IMMP2L: variants seen among roughly 807,000 people sequenced by gnomAD.
IMMP2L encodes inner mitochondrial membrane peptidase subunit 2.
Under a neutral mutation model 19.3 loss-of-function variants are expected in IMMP2L, and 18 were observed. The ratio of observed to expected loss-of-function variants is 0.93; its 90% CI spans 0.64 to 1.38. IMMP2L has a LOEUF of 1.38. Ranked by LOEUF, IMMP2L falls within the 40% of genes most tolerant of loss-of-function variation. The pLI is 0.00. For synonymous variants in IMMP2L, 76 were observed against 73.0 expected (o/e 1.04, Z -0.21); for missense variants, 233 against 218.2 (o/e 1.07, Z -0.43).
intron 3 of IMMP2L, among the ~76,000 whole-genome samples, chr7:111,277,138 T>C (rs984033484): frequency 2.0e-5 from 3 of 151,978 alleles, no homozygotes; most frequent in Non-Finnish European, 4.4e-5. Flanking sequence ...CTAAAAAGCT[T>C]CTGCACAACA....
At chr7:110,913,971 A>T (rs949428730) in intron 4 of IMMP2L, among the ~76,000 whole-genome samples, 1 of 152,102 alleles carries the variant, frequency 6.6e-6, no homozygotes, top group African/African-American at 2.4e-5. Flanking sequence ...TAATTTGGCA[A>T]ACTTTCTCAA....
chr7:110,797,008 C>T (rs1800907075), intron 5 of IMMP2L, among the ~76,000 whole-genome samples: 1 of 151,918 alleles, frequency 6.6e-6, no homozygotes, highest in Non-Finnish European at 1.5e-5. Context: ...CAGAACTCCC[C>T]ACTTCCAAGA....
chr7:111,090,254 T>C (rs1397537691), intron 3 of IMMP2L, among the ~76,000 whole-genome samples: 1 of 152,222 alleles, frequency 6.6e-6, no homozygotes, highest in Non-Finnish European at 1.5e-5. Flanking sequence ...TTTACATGTA[T>C]GGCTTATATA....
intron 3 of IMMP2L, among the ~76,000 whole-genome samples, chr7:111,035,272 G>GTATC (rs954639907): frequency 1.2e-4 from 19 of 152,076 alleles, no homozygotes; most frequent in African/African-American, 3.9e-4. Flanking sequence ...AAATAAAAAG[G>GTATC]TATCATCTAT....
chr7:111,413,940 C>T (rs1049248502), intron 3 of IMMP2L, among the ~76,000 whole-genome samples: 1 of 151,770 alleles, frequency 6.6e-6, no homozygotes, highest in Non-Finnish European at 1.5e-5. Context: ...CCCAGTGATA[C>T]TCACATCCCA....
At chr7:111,386,913 C>G (rs1384528398) in intron 3 of IMMP2L, among the ~76,000 whole-genome samples, 1 of 152,154 alleles carries the variant, frequency 6.6e-6, no homozygotes, top group Non-Finnish European at 1.5e-5. Context: ...AAGAGAATGA[C>G]TGTTTCACAA....
chr7:111,410,604 C>CA (rs1390808316), intron 3 of IMMP2L, among the ~76,000 whole-genome samples: 1 of 150,774 alleles, frequency 6.6e-6, no homozygotes. Flanking sequence ...AAAACAGATC[C>CA]AATTAACAAA....
At chr7:111,310,127 C>T (rs992046154) in intron 3 of IMMP2L, among the ~76,000 whole-genome samples, 1 of 151,544 alleles carries the variant, frequency 6.6e-6, no homozygotes, top group Non-Finnish European at 1.5e-5. Flanking sequence ...CCCAGCTACT[C>T]GCGGGGCTGA....
intron 3 of IMMP2L, among the ~76,000 whole-genome samples, chr7:111,223,626 T>A (rs562642868): frequency 2.6e-5 from 4 of 152,274 alleles, no homozygotes; most frequent in African/African-American, 9.6e-5. Flanking sequence ...GATTAGTCAG[T>A]CTACTTTGTA....
chr7:111,561,184 A>G (rs894315312), intron 1 of IMMP2L, among the ~76,000 whole-genome samples: 3 of 152,160 alleles, frequency 2.0e-5, no homozygotes, highest in Admixed American at 1.3e-4. Context: ...CACACTGAAA[A>G]TCACAGTAAG....
chr7:111,217,466 G>A (rs550263032), intron 3 of IMMP2L, among the ~76,000 whole-genome samples: 60 of 152,204 alleles, frequency 3.9e-4, no homozygotes, highest in African/African-American at 1.3e-3. Flanking sequence ...CCCACTCATG[G>A]AGCTTGGATT....
chr7:110,939,388 CAAAAAAAA>C (rs58982346), intron 4 of IMMP2L, among the ~76,000 whole-genome samples: 2 of 125,670 alleles, frequency 1.6e-5, no homozygotes, highest in Admixed American at 1.6e-4. Context: ...TGCAAAATTG[CAAAAAAAA>C]AAAAAAAAAT....
chr7:110,738,686 A>G (rs1796800763), intron 5 of IMMP2L, among the ~76,000 whole-genome samples: 1 of 152,232 alleles, frequency 6.6e-6, no homozygotes, highest in Non-Finnish European at 1.5e-5. Flanking sequence ...GCCTTGCTAG[A>G]GATCTAGACA....
chr7:111,349,289 C>A (rs969162187), intron 3 of IMMP2L, among the ~76,000 whole-genome samples: 1 of 151,844 alleles, frequency 6.6e-6, no homozygotes, highest in Admixed American at 6.6e-5. Context: ...TGAAGGAGCA[C>A]CTATGTTGAG....
chr7:110,806,710 T>C (rs1332005722), intron 5 of IMMP2L, among the ~76,000 whole-genome samples: 1 of 152,048 alleles, frequency 6.6e-6, no homozygotes, highest in African/African-American at 2.4e-5. Flanking sequence ...GCCAAATTTC[T>C]GGTCAACTTC....
At chr7:111,540,349 A>G (rs1242182008) in intron 1 of IMMP2L, among the ~76,000 whole-genome samples, 1 of 152,170 alleles carries the variant, frequency 6.6e-6, no homozygotes, top group Non-Finnish European at 1.5e-5. Flanking sequence ...ACCTCCTGCC[A>G]ACCTGTGCAC....
intron 5 of IMMP2L, among the ~76,000 whole-genome samples, chr7:110,879,867 C>G (rs1297176317): frequency 6.6e-6 from 1 of 152,004 alleles, no homozygotes; most frequent in East Asian, 1.9e-4. Flanking sequence ...AGAGGGCTTT[C>G]TTGCCTTGTT....
chr7:111,442,132 A>G (rs537830849), intron 3 of IMMP2L, among the ~76,000 whole-genome samples: 3 of 151,698 alleles, frequency 2.0e-5, no homozygotes, highest in African/African-American at 4.9e-5. Flanking sequence ...GCGAGACTCC[A>G]TCTCAAAAAA....
chr7:110,674,210 G>GA (rs1792126877), intron 5 of IMMP2L, among the ~76,000 whole-genome samples: 1 of 152,128 alleles, frequency 6.6e-6, no homozygotes, highest in African/African-American at 2.4e-5. Context: ...GCAAAAGGGG[G>GA]AAAGCCCTTT....
Sources: allele counts gnomAD v4.1 joint callset (sites outside exome capture counted in the v4.1 genomes callset), GRCh38; gene constraint gnomAD v4.1.1; transcripts MANE v1.5; gene names NCBI Gene and HGNC (gene_info 2026-07-23, HGNC 2026-07-21).